CLEC16A: variants seen among roughly 807,000 people sequenced by gnomAD.
CLEC16A encodes the protein protein CLEC16A.
A neutral mutation model predicts 109.5 loss-of-function variants in CLEC16A; 51 were observed. That is an observed-to-expected ratio of 0.47 (90% confidence interval 0.37 to 0.59). CLEC16A has a LOEUF of 0.59. CLEC16A is among the 20% of genes least tolerant of loss of function. The pLI is 0.00. For missense variants in CLEC16A, 1,339 were observed against 1,394.0 expected (o/e 0.96, Z 0.63); for synonymous variants, 673 against 564.2 (o/e 1.19, Z -2.73).
chr16:11,149,283 T>C (rs1237838080), intron 22 of CLEC16A, among the ~76,000 whole-genome samples: 1 of 152,188 alleles, frequency 6.6e-6, no homozygotes, highest in African/African-American at 2.4e-5. Context: ...TGTTTTGCTA[T>C]TACTGCAGAC....
chr16:10,986,730 A>AGTGTGTGTGTGT (rs200977014), intron 10 of CLEC16A, among the ~76,000 whole-genome samples: 365 of 116,860 alleles, frequency 3.1e-3, no homozygotes, highest in Non-Finnish European at 4.9e-3. Flanking sequence ...TTTAAGGCTC[A>AGTGTGTGTGTGT]ATGTGTGTGT....
At chr16:11,145,742 G>A (rs12930373) in intron 22 of CLEC16A, among the ~76,000 whole-genome samples, 50,920 of 152,124 alleles carry the variant, frequency 0.33, 8,653 homozygotes, top group South Asian at 0.45. Flanking sequence ...AGCCTGGGCC[G>A]GTGGCTTTAA....
At chr16:10,992,779 T>A (rs761725281) in intron 10 of CLEC16A, among the ~76,000 whole-genome samples, 1 of 152,084 alleles carries the variant, frequency 6.6e-6, no homozygotes, top group Admixed American at 6.5e-5. Context: ...TCCCTGATGA[T>A]CTATTTGTGG....
intron 19 of CLEC16A, among the ~76,000 whole-genome samples, chr16:11,078,670 G>A (rs755697872): frequency 6.6e-6 from 1 of 152,178 alleles, no homozygotes; most frequent in Non-Finnish European, 1.5e-5. Context: ...AGACCCCGTC[G>A]TTGAGCAGGT....
chr16:10,957,777 C>T lies in CLEC16A; in HGVS notation c.81-5C>T. 6.2e-7 allele frequency: 1 copy of T among 1,613,820 alleles called. No individual in the cohort carries two copies. Among genetic ancestry groups the T allele is most frequent in the South Asian group, 1.1e-5 (1 of 91,072 alleles). On this transcript the variant is annotated splice_polypyrimidine_tract_variant and splice_region_variant and intron_variant, in intron 1 of 23. Coordinates refer to ENST00000409790, the MANE Select transcript of CLEC16A (RefSeq NM_015226.3). The stretch of plus-strand genomic sequence containing the variant: ...TTTAATTTCCTTTTCTCTCATTTCT[C>T]TCAGGTATCTGTACCACGTTTTGAC...
Position 11,020,045 on chromosome 16 carries a change from G to A in CLEC16A, c.1304-148G>A, listed in dbSNP as rs2046002058. The A allele has an allele frequency of 3.8e-6, 3 of 790,710 alleles. No individual in the cohort carries two copies. The Admixed American group carries it at 1.0e-4, about 28-fold the overall frequency. The allele number at this position is 790,710 out of a possible 1,614,324, so 49.0% of individuals were successfully genotyped here. ...CTCTGTCTTATTTCCACCCCAGTGT[G>A]TCTCTGGTGTTCAGGTCGCTGCTGT... is the stretch of plus-strand genomic sequence containing the variant. On this transcript the variant is annotated intron_variant, in intron 11 of 23. Coordinates refer to ENST00000409790, the MANE Select transcript of CLEC16A (RefSeq NM_015226.3).
intron 22 of CLEC16A, among the ~76,000 whole-genome samples, chr16:11,162,009 T>G (rs1397983738): frequency 6.6e-6 from 1 of 152,148 alleles, no homozygotes; most frequent in Non-Finnish European, 1.5e-5. Context: ...TCGAAGTCAG[T>G]TTGGGCAGAG....
intron 19 of CLEC16A, among the ~76,000 whole-genome samples, chr16:11,105,796 C>G (rs1360766664): frequency 6.6e-6 from 1 of 152,224 alleles, no homozygotes; most frequent in Non-Finnish European, 1.5e-5. Context: ...GCCAACCCTT[C>G]ACACAGCCAC....
intron 10 of CLEC16A, among the ~76,000 whole-genome samples, chr16:10,998,089 C>A (rs568521193): frequency 6.6e-6 from 1 of 152,204 alleles, no homozygotes; most frequent in Non-Finnish European, 1.5e-5. Context: ...ACAGATTCCT[C>A]CATTCCATGA....
chr16:11,109,184 T>C (rs2051413439), intron 19 of CLEC16A, among the ~76,000 whole-genome samples: 1 of 148,910 alleles, frequency 6.7e-6, no homozygotes, highest in Non-Finnish European at 1.5e-5. Flanking sequence ...TTTTTTTTAT[T>C]AGATGGAGTC....
chr16:10,970,493 T>C (rs2042727560), intron 4 of CLEC16A, among the ~76,000 whole-genome samples: 1 of 152,268 alleles, frequency 6.6e-6, no homozygotes, highest in Non-Finnish European at 1.5e-5. Flanking sequence ...TTAGAAATAC[T>C]GCATTGCACA....
chr16:11,128,128 G>A (rs187887659), intron 22 of CLEC16A, among the ~76,000 whole-genome samples: 7 of 152,250 alleles, frequency 4.6e-5, no homozygotes, highest in South Asian at 4.1e-4. Context: ...TTTCAGTTTC[G>A]GAACTTACTG....
Position 11,123,919 on chromosome 16 carries a change from A to C in CLEC16A, c.2446A>C (p.Arg816=). The C allele has an allele frequency of 6.2e-7, 1 of 1,612,730 alleles. No homozygotes were observed. Among genetic ancestry groups the C allele is most frequent in the Non-Finnish European group, 8.5e-7 (1 of 1,179,390 alleles). The change falls in exon 21 of 24, where the codon AGG becomes CGG. Residue 816 remains arginine (R), a synonymous_variant. Transcript: ENST00000409790. ...CCTGGCCAAAGGCCGCATCCAGGCAAGGCGCATGAAGATGCAGAGAATAGC... is the reference window on the plus strand; with the variant it reads ...CCTGGCCAAAGGCCGCATCCAGGCACGGCGCATGAAGATGCAGAGAATAGC... ...QRLAKGRIQA[R]RMKMQRIAAL... is the part of the protein sequence containing the mutation.
intron 2 of CLEC16A, among the ~76,000 whole-genome samples, chr16:10,960,979 TC>T (rs1162375752): frequency 2.0e-5 from 3 of 152,164 alleles, no homozygotes; most frequent in Admixed American, 2.0e-4. Context: ...CACCCTTTTT[TC>T]CCAATGAATT....
At position 11,121,103 on chromosome 16, in the gene CLEC16A, T is replaced by C. The variant is rs562237672; in HGVS notation, c.2268+337T>C. ...GTACTATTTTTAAAAATTATATACA[T>C]ATACTTGAGAGTGTATGTGTGTGTT... On this transcript the variant is annotated intron_variant, in intron 20 of 23. Transcript: ENST00000409790. 2.6e-5 allele frequency among the ~76,000 whole-genome samples: 4 copies of C among 152,358 alleles called. No individual in the cohort carries two copies. In the East Asian group the frequency reaches 5.8e-4, roughly 22 times the overall value.
chr16:11,059,323 C>T (rs1172936078), intron 18 of CLEC16A, among the ~76,000 whole-genome samples: 1 of 152,170 alleles, frequency 6.6e-6, no homozygotes, highest in Non-Finnish European at 1.5e-5. Context: ...CGAATGCTAC[C>T]ACCACCATCA....
chr16:11,124,637 G>A (rs148324416), intron 21 of CLEC16A, among the ~76,000 whole-genome samples: 10 of 152,338 alleles, frequency 6.6e-5, no homozygotes, highest in African/African-American at 1.4e-4. Flanking sequence ...TCTCCTCGGC[G>A]TGGGGGGAAG....
At chr16:11,098,574 C>G (rs936814441) in intron 19 of CLEC16A, among the ~76,000 whole-genome samples, 1 of 152,210 alleles carries the variant, frequency 6.6e-6, no homozygotes, top group Non-Finnish European at 1.5e-5. Flanking sequence ...CTCCAAACCA[C>G]TTGTCCATAG....
intron 23 of CLEC16A, among the ~76,000 whole-genome samples, chr16:11,166,844 C>T (rs2068286223): frequency 1.3e-5 from 2 of 152,212 alleles, no homozygotes; most frequent in Non-Finnish European, 2.9e-5. Flanking sequence ...TAAACCCACC[C>T]TATCATCACC....
Sources: gnomAD v4.1 joint callset for allele counts (sites outside exome capture counted in the v4.1 genomes callset) on GRCh38, gnomAD v4.1.1 for gene constraint, MANE v1.5 for transcripts, NCBI Gene and HGNC (gene_info 2026-07-23, HGNC 2026-07-21) for gene names.